PTGER4: variants seen among roughly 807,000 people sequenced by gnomAD.
PTGER4 encodes the protein prostaglandin E2 receptor EP4 subtype.
Under a neutral mutation model 33.2 loss-of-function variants are expected in PTGER4, and 11 were observed. The ratio of observed to expected loss-of-function variants is 0.33; its 90% CI spans 0.21 to 0.55. The LOEUF is 0.55. Among genes scored for constraint, PTGER4 ranks in the 20% least tolerant of loss-of-function variants. The pLI, the probability that PTGER4 is intolerant of heterozygous loss-of-function variation, is 0.92. For missense variants in PTGER4, 481 were observed against 650.2 expected (o/e 0.74, Z 2.83); for synonymous variants, 275 against 281.5 (o/e 0.98, Z 0.23).
chr5:40,693,774 G>T, downstream of PTGER4: 2 of 936,066 alleles, frequency 2.1e-6, no homozygotes, highest in Non-Finnish European at 2.5e-6. Context: ...AACTTGTGGG[G>T]GCTTTTTTGT....
chr5:40,687,281 G>T (rs1042983591), intron 2 of PTGER4, among the ~76,000 whole-genome samples: 6 of 152,126 alleles, frequency 3.9e-5, no homozygotes, highest in African/African-American at 1.4e-4. Context: ...CTGACCTCAG[G>T]TGATCCGCCT....
At chr5:40,685,556 C>A in intron 2 of PTGER4, 1 of 646,518 alleles carries the variant, frequency 1.5e-6, no homozygotes, top group Non-Finnish European at 1.9e-6. Flanking sequence ...AATTGCAATG[C>A]CTAGAAGGAA....
Position 40,680,900 on chromosome 5 carries a change from A to G in PTGER4, c.-43-51A>G, listed in dbSNP as rs1207919281. On this transcript the variant is annotated intron_variant, in intron 1 of 2. Coordinates refer to ENST00000302472, the MANE Select transcript of PTGER4 (RefSeq NM_000958.3). The surrounding 1 kb of genome is among the most constrained non-coding windows in gnomAD (Gnocchi z 5.5). ...CTCGGGCGCGGGTCTAACACCTTAC[A>G]AGTGGTAATTTCCGCTCACGGCAGC... 6 of 1,472,202 alleles carry G rather than the reference A, an allele frequency of 4.1e-6. No individual in the cohort carries two copies. Among genetic ancestry groups the G allele is most frequent in the South Asian group, 1.3e-5 (1 of 75,696 alleles). 91.2% of individuals were successfully genotyped at this position (1,472,202 alleles called of 1,614,324 possible). A position where few individuals can be genotyped will look rare whatever the true frequency, so the allele number is the denominator to read the frequency against.
chr5:40,705,614 TAAAC>T, the PTGER4 span, among the ~76,000 whole-genome samples: 1 of 152,020 alleles, frequency 6.6e-6, no homozygotes, highest in Admixed American at 6.6e-5. Flanking sequence ...ATAAGGAACT[TAAAC>T]AAATTTACAA....
chr5:40,737,083 C>T, the PTGER4 span, among the ~76,000 whole-genome samples: 1 of 152,012 alleles, frequency 6.6e-6, no homozygotes, highest in Admixed American at 6.6e-5. Context: ...ATCGCCTGAG[C>T]CCAGGAGTTC....
the PTGER4 span, among the ~76,000 whole-genome samples, chr5:40,721,145 C>T: frequency 6.6e-6 from 1 of 152,098 alleles, no homozygotes; most frequent in Non-Finnish European, 1.5e-5. Context: ...ATGGGGACTA[C>T]CAAAAGGACT....
chr5:40,745,365 T>C, the PTGER4 span, among the ~76,000 whole-genome samples: 1 of 152,172 alleles, frequency 6.6e-6, no homozygotes, highest in East Asian at 1.9e-4. Context: ...GGTGTCATAA[T>C]GTCTGAAACT....
At chr5:40,736,792 A>G in the PTGER4 span, among the ~76,000 whole-genome samples, 6 of 152,284 alleles carry the variant, frequency 3.9e-5, no homozygotes, top group Non-Finnish European at 7.4e-5. Context: ...AAATTGACAA[A>G]AAATAACTAC....
the PTGER4 span, chr5:40,715,888 T>C: frequency 5.4e-6 from 2 of 367,876 alleles, no homozygotes; most frequent in South Asian, 2.0e-4. Context: ...CATTTACATA[T>C]TCAGATTAAA....
chr5:40,713,554 G>A, the PTGER4 span, among the ~76,000 whole-genome samples: 1 of 152,068 alleles, frequency 6.6e-6, no homozygotes, highest in Non-Finnish European at 1.5e-5. Flanking sequence ...CAATGTTTAT[G>A]TAGTGTCTGT....
chr5:40,692,593 CAG>C lies in PTGER4; in HGVS notation c.*218_*219del, dbSNP rs1355780344. The C allele has an allele frequency of 2.3e-6, 3 of 1,329,696 alleles. No homozygotes were observed. In the African/African-American group the frequency reaches 4.4e-5, roughly 20 times the overall value. 82.4% of individuals were successfully genotyped at this position (1,329,696 alleles called of 1,614,324 possible). On this transcript the variant is annotated 3_prime_UTR_variant, in exon 3 of 3. Transcript: ENST00000302472. ...CACGTCGGATGCTACCCCACTATGA[CAG>C]AGGATTGTGGTCACAACTTGATGGC...
At chr5:40,684,124 A>ACCC (rs879580832) in intron 2 of PTGER4, among the ~76,000 whole-genome samples, 66 of 74,134 alleles carry the variant, frequency 8.9e-4, no homozygotes, top group African/African-American at 4.3e-3. Context: ...CCACCCACCC[A>ACCC]CCCCCCCCCC....
the PTGER4 span, among the ~76,000 whole-genome samples, chr5:40,718,355 A>G: frequency 1.3e-4 from 20 of 151,960 alleles, no homozygotes; most frequent in Non-Finnish European, 2.6e-4. Context: ...ACAGTGAGCC[A>G]AGATGGTGCC....
chr5:40,696,790 G>A (rs1741590136), downstream of PTGER4: 1 of 833,588 alleles, frequency 1.2e-6, no homozygotes. Flanking sequence ...CTTGAGAAGG[G>A]GTGAAACAGG....
At chr5:40,710,531 G>T in the PTGER4 span, among the ~76,000 whole-genome samples, 1 of 152,166 alleles carries the variant, frequency 6.6e-6, no homozygotes. Flanking sequence ...ATTCCTCGGG[G>T]ATCTAGAACT....
chr5:40,697,269 A>AGAAAGAAC (rs1741631700), downstream of PTGER4, among the ~76,000 whole-genome samples: 1 of 128,460 alleles, frequency 7.8e-6, no homozygotes, highest in Non-Finnish European at 1.8e-5. Flanking sequence ...AAAGAAAGAA[A>AGAAAGAAC]GAAAGAAAGA....
chr5:40,713,662 C>T, the PTGER4 span, among the ~76,000 whole-genome samples: 1 of 152,164 alleles, frequency 6.6e-6, no homozygotes, highest in Non-Finnish European at 1.5e-5. Context: ...GATGTCTAGA[C>T]ACTCTGACTA....
At chr5:40,703,902 C>CAAAAAAAA in the PTGER4 span, among the ~76,000 whole-genome samples, 10 of 37,264 alleles carry the variant, frequency 2.7e-4, 2 homozygotes, top group East Asian at 9.3e-4. Flanking sequence ...GACGCCGTCT[C>CAAAAAAAA]AAAAAAAAAA....
chr5:40,730,227 T>A, the PTGER4 span: 1 of 1,537,820 alleles, frequency 6.5e-7, no homozygotes, highest in South Asian at 1.2e-5. Context: ...ATAGCACAAT[T>A]TCATAAGGAA....
Sources: gnomAD v4.1 joint callset for allele counts (sites outside exome capture counted in the v4.1 genomes callset) on GRCh38, gnomAD v4.1.1 for gene constraint, Gnocchi (gnomAD v3.1) non-coding constraint, MANE v1.5 for transcripts, NCBI Gene and HGNC (gene_info 2026-07-23, HGNC 2026-07-21) for gene names.